SLC2A12: variants seen among roughly 807,000 people sequenced by gnomAD.
SLC2A12 encodes the protein solute carrier family 2, facilitated glucose transporter member 12.
A neutral mutation model predicts 41.8 loss-of-function variants in SLC2A12; 23 were observed. The observed-to-expected ratio is 0.55, with a 90% CI of 0.40 to 0.78. SLC2A12 has a LOEUF of 0.78. SLC2A12 is among the 30% of genes least tolerant of loss of function. The probability of loss-of-function intolerance (pLI) is 0.00; values close to 1 mark genes in which losing one functional copy is unlikely to be tolerated. For missense variants in SLC2A12, 654 were observed against 745.6 expected (o/e 0.88, Z 1.43); for synonymous variants, 295 against 285.9 (o/e 1.03, Z -0.32).
intron 4 of SLC2A12, among the ~76,000 whole-genome samples, chr6:134,001,022 T>C (rs1005177925): frequency 6.6e-6 from 1 of 152,030 alleles, no homozygotes; most frequent in East Asian, 1.9e-4. Flanking sequence ...ACATGGTATA[T>C]CTACACTTCC....
chr6:134,044,324 A>G (rs1168157577), intron 1 of SLC2A12, among the ~76,000 whole-genome samples: 2 of 152,178 alleles, frequency 1.3e-5, no homozygotes, highest in Non-Finnish European at 2.9e-5. Flanking sequence ...GTCTGGCATC[A>G]TATCTGATTC....
At position 134,052,398 on chromosome 6, in the gene SLC2A12, C is replaced by T. The variant is rs756326450; in HGVS notation, c.83G>A (p.Arg28Gln). 1 of 1,612,936 alleles carries T rather than the reference C, an allele frequency of 6.2e-7. No homozygotes were observed. The highest frequency in any genetic ancestry group is 8.5e-7 in the Non-Finnish European group (1 of 1,179,984). ...TTTACCTCTCGCCCAGGGAGGATGC[C>T]GGCTGCCGCTGCCCTCCGTCTCCAC... ...TAVETEGSGS[R>Q]HPPWARGCGM... Residue 28 changes from arginine (R) to glutamine (Q), a missense_variant, in exon 1 of 5, where the codon CGG (arginine) becomes CAG (glutamine). Physicochemically the swap from Arg to Gln is conservative, Grantham distance 43 (BLOSUM62 1). This residue lies in a region of SLC2A12 where 109 missense variants were observed against 153.0 expected (regional missense o/e 0.71). Coordinates refer to ENST00000275230, the MANE Select transcript of SLC2A12 (RefSeq NM_145176.3).
chr6:134,014,402 G>A (rs781362338), intron 2 of SLC2A12, among the ~76,000 whole-genome samples: 3 of 152,162 alleles, frequency 2.0e-5, no homozygotes, highest in Admixed American at 1.3e-4. Context: ...CCCCTACCCC[G>A]GAGCATGCAT....
chr6:134,028,260 A>G (rs1365788281), intron 2 of SLC2A12, 121 bp downstream of exon 2: 1 of 1,297,062 alleles, frequency 7.7e-7, no homozygotes, highest in African/African-American at 1.5e-5. Flanking sequence ...CTGCATTAGA[A>G]GGAACATCAG....
chr6:133,993,002 G>A (rs974005491), intron 4 of SLC2A12, among the ~76,000 whole-genome samples: 2 of 152,080 alleles, frequency 1.3e-5, no homozygotes, highest in African/African-American at 2.4e-5. Flanking sequence ...TCATTCCGCT[G>A]AGCCTGTGCT....
chr6:134,022,065 G>A (rs553420876), intron 2 of SLC2A12, among the ~76,000 whole-genome samples: 120 of 152,268 alleles, frequency 7.9e-4, no homozygotes, highest in African/African-American at 2.8e-3. Context: ...GTAAATCGTG[G>A]CCCTATGGTC....
chr6:133,987,646 G>GTATATATATATATATATATATATA lies in SLC2A12; in HGVS notation c.*3508_*3509insTATATATATATATATATATATATA, dbSNP rs1165164380. On this transcript the variant is annotated 3_prime_UTR_variant, in exon 5 of 5. Transcript: ENST00000275230. ...ATTTTGTGTGTGTGTGTGTGTGTGT[G>GTATATATATATATATATATATATA]TGTATATATATATATATATATGCAC... The GTATATATATATATATATATATATA allele has an allele frequency of 5.3e-5, 7 of 133,260 alleles. No individual in the cohort carries two copies. The highest frequency in any genetic ancestry group is 2.4e-4 in the South Asian group (1 of 4,222). 8.3% of individuals were successfully genotyped at this position (133,260 alleles called of 1,614,324 possible).
chr6:134,006,985 A>G (rs745537928), intron 2 of SLC2A12, 51 bp from the exon 3 acceptor site: 2 of 1,608,074 alleles, frequency 1.2e-6, no homozygotes, highest in East Asian at 4.5e-5. Context: ...GCAAAAACCC[A>G]TTGAATCTGA....
In SLC2A12 at chr6:133,991,265, C is replaced by T. The variant is rs1776619895; in HGVS notation, c.1744G>A (p.Glu582Lys). The part of the protein sequence containing the change: ...NNICFMSHHQ[E>K]ELVPKQPQKR... ...TGAGGCTGTTTTGGCACTAATTCTTCTTGGTGATGACTCATAAAACAAATG... is the reference window on the plus strand; with the variant it reads ...TGAGGCTGTTTTGGCACTAATTCTTTTTGGTGATGACTCATAAAACAAATG... Residue 582 changes from glutamate (E) to lysine (K), a missense_variant, in exon 5 of 5, where the codon GAA becomes AAA. Around this residue, in one of 3 missense-constraint regions of SLC2A12, gnomAD observed 134 missense variants for 180.5 expected, o/e 0.74. Transcript: ENST00000275230. 6.2e-7 allele frequency: 1 copy of T among 1,613,884 alleles called. No individual in the cohort carries two copies. Among genetic ancestry groups the T allele is most frequent in the Non-Finnish European group, 8.5e-7 (1 of 1,179,992 alleles).
At chr6:134,016,096 T>C (rs566419514) in intron 2 of SLC2A12, among the ~76,000 whole-genome samples, 2 of 152,232 alleles carry the variant, frequency 1.3e-5, no homozygotes, top group East Asian at 3.9e-4. Flanking sequence ...TTTCTTCATG[T>C]CTTATGGGAA....
In SLC2A12 at chr6:134,002,036, CCCTTTGTCT is replaced by C; in HGVS notation, c.1652_1660del (p.Glu551_Lys553del). On this transcript the variant is annotated inframe_deletion, in exon 4 of 5. Transcript: ENST00000275230. Reference sequence around the variant, plus strand: ...CATTGATATTTGTTCCAAAGAGCATCCCTTTGTCTCAGGTATAAACATAACAACAAAAAG... The same window carrying C: ...CATTGATATTTGTTCCAAAGAGCATCCAGGTATAAACATAACAACAAAAAG... The C allele has an allele frequency of 6.2e-7, 1 of 1,607,924 alleles. No homozygotes were observed. The highest frequency in any genetic ancestry group is 8.5e-7 in the Non-Finnish European group (1 of 1,177,988).
chr6:133,995,898 T>G (rs924560020), intron 4 of SLC2A12, among the ~76,000 whole-genome samples: 1 of 152,276 alleles, frequency 6.6e-6, no homozygotes, highest in Non-Finnish European at 1.5e-5. Flanking sequence ...TGTTTCTGAC[T>G]TAGCCTTTGC....
chr6:134,044,774 A>G (rs1777433610), intron 1 of SLC2A12, among the ~76,000 whole-genome samples: 1 of 151,314 alleles, frequency 6.6e-6, no homozygotes, highest in African/African-American at 2.4e-5. Context: ...ACCCTGAAGC[A>G]TCCAGCACTG....
chr6:134,038,285 G>A (rs1777330831), intron 1 of SLC2A12, among the ~76,000 whole-genome samples: 1 of 148,990 alleles, frequency 6.7e-6, no homozygotes. Flanking sequence ...GTACTCCCCT[G>A]TGCTTTGATT....
chr6:134,032,449 A>ATATTT (rs1562201692), intron 1 of SLC2A12, among the ~76,000 whole-genome samples: 8 of 31,970 alleles, frequency 2.5e-4, no homozygotes, highest in African/African-American at 1.1e-3. Context: ...TATATATATA[A>ATATTT]ATATATATAT....
intron 4 of SLC2A12, 66 bp from the exon 5 acceptor site, chr6:133,991,374 A>C (rs1294590065): frequency 3.9e-6 from 6 of 1,543,918 alleles, no homozygotes; most frequent in Non-Finnish European, 5.3e-6. Flanking sequence ...TGTGTAGGCT[A>C]TTATTTTTTA....
At chr6:133,999,768 C>A (rs957769976) in intron 4 of SLC2A12, among the ~76,000 whole-genome samples, 1 of 152,174 alleles carries the variant, frequency 6.6e-6, no homozygotes, top group East Asian at 1.9e-4. Context: ...ACCAAAGAAT[C>A]ATGGGAAATA....
At chr6:134,043,483 G>T (rs931711284) in intron 1 of SLC2A12, among the ~76,000 whole-genome samples, 1 of 152,054 alleles carries the variant, frequency 6.6e-6, no homozygotes, top group African/African-American at 2.4e-5. Flanking sequence ...CACCACTACC[G>T]TCACTTTTAG....
intron 1 of SLC2A12, among the ~76,000 whole-genome samples, chr6:134,037,693 A>G (rs1267437522): frequency 6.6e-6 from 1 of 151,974 alleles, no homozygotes; most frequent in Non-Finnish European, 1.5e-5. Flanking sequence ...TTTACATCCA[A>G]GGTTTTACAG....
Sources: allele counts gnomAD v4.1 joint callset (sites outside exome capture counted in the v4.1 genomes callset), GRCh38; gene constraint gnomAD v4.1.1; regional missense constraint gnomAD v4.1.1; transcripts MANE v1.5; gene names NCBI Gene and HGNC (gene_info 2026-07-23, HGNC 2026-07-21).